The following VPS13B variants were observed in gnomAD, a reference collection of about 807,000 sequenced individuals.
VPS13B encodes intermembrane lipid transfer protein VPS13B.
A neutral mutation model predicts 426.4 loss-of-function variants in VPS13B; 285 were observed. The ratio of observed to expected loss-of-function variants is 0.67; its 90% confidence interval spans 0.61 to 0.74. The LOEUF is 0.74. Ranked by LOEUF, VPS13B falls within the 30% of genes least tolerant of loss-of-function variation. VPS13B has a pLI of 0.00. For missense variants in VPS13B, 4,537 were observed against 4,782.6 expected (o/e 0.95, Z 1.51); for synonymous variants, 1,676 against 1,676.4 (o/e 1.00, Z 0.01).
chr8:99,372,342 C>T (rs1200699674), intron 19 of VPS13B, among the ~76,000 whole-genome samples: 1 of 151,770 alleles, frequency 6.6e-6, no homozygotes, highest in East Asian at 1.9e-4. Flanking sequence ...AACTTCTGCA[C>T]AGCAAAAGAA....
chr8:99,149,462 C>T (rs369444635), intron 14 of VPS13B, among the ~76,000 whole-genome samples: 3 of 152,010 alleles, frequency 2.0e-5, no homozygotes, highest in South Asian at 2.1e-4. Flanking sequence ...GGACTATGGG[C>T]GCATGCCACC....
At chr8:99,296,023 A>T (rs1249734609) in intron 19 of VPS13B, among the ~76,000 whole-genome samples, 2 of 152,138 alleles carry the variant, frequency 1.3e-5, no homozygotes, top group African/African-American at 4.8e-5. Context: ...ATACAGTGAG[A>T]CCCTATCTCA....
chr8:99,627,524 C>G (rs548273752), intron 33 of VPS13B, among the ~76,000 whole-genome samples: 158 of 152,232 alleles, frequency 1.0e-3, no homozygotes, highest in African/African-American at 3.5e-3. Flanking sequence ...GCTGAGATTA[C>G]AGGGGCACAC....
At chr8:99,371,710 A>C (rs1457201205) in intron 19 of VPS13B, among the ~76,000 whole-genome samples, 1 of 151,960 alleles carries the variant, frequency 6.6e-6, no homozygotes, top group Admixed American at 6.6e-5. Context: ...TGAGCATGAA[A>C]TTTTTTTCCA....
At chr8:99,388,147 TTA>T (rs1814231607) in intron 20 of VPS13B, among the ~76,000 whole-genome samples, 2 of 152,266 alleles carry the variant, frequency 1.3e-5, no homozygotes, top group African/African-American at 2.4e-5. Flanking sequence ...ATGAGGGCAC[TTA>T]TATATATTTT....
chr8:99,103,236 TC>T, intron 5 of VPS13B, 116 bp downstream of exon 5: 1 of 1,213,874 alleles, frequency 8.2e-7, no homozygotes, highest in Non-Finnish European at 1.2e-6. Flanking sequence ...TCTTCATGCC[TC>T]CAGTGTGGGA....
At chr8:99,683,176 C>T (rs891855577) in intron 35 of VPS13B, among the ~76,000 whole-genome samples, 1 of 152,022 alleles carries the variant, frequency 6.6e-6, no homozygotes, top group Non-Finnish European at 1.5e-5. Context: ...TTCTTTGGAC[C>T]CTATTTCTGG....
chr8:99,579,187 A>T (rs1460822093), intron 33 of VPS13B, among the ~76,000 whole-genome samples: 1 of 152,204 alleles, frequency 6.6e-6, no homozygotes, highest in Non-Finnish European at 1.5e-5. Flanking sequence ...GGTGGGACAT[A>T]TCTGTAAAAC....
chr8:99,362,139 CT>C lies in VPS13B; in HGVS notation c.2825-22048del, dbSNP rs71273181. Among the ~76,000 whole-genome samples the C allele has an allele frequency of 2.5e-3, 302 of 119,748 alleles. 1 individual carries two copies. Among genetic ancestry groups the C allele is most frequent in the East Asian group, 0.016 (70 of 4,348 alleles). The allele number at this position is 119,748 out of a possible 152,430, so 78.6% of individuals were successfully genotyped here. ...GGGCAGCTATTATATTTTAATTTGTCTTTTTTTTTTTTTTTTTTTTTGAGAC... is the reference window on the plus strand; with the variant it reads ...GGGCAGCTATTATATTTTAATTTGTCTTTTTTTTTTTTTTTTTTTTGAGAC... On this transcript the variant is annotated intron_variant, in intron 19 of 61. Transcript: ENST00000357162.
At chr8:99,230,794 ATTAC>A (rs1235843265) in intron 17 of VPS13B, among the ~76,000 whole-genome samples, 2 of 152,224 alleles carry the variant, frequency 1.3e-5, no homozygotes, top group African/African-American at 2.4e-5. Context: ...TTAATAGATT[ATTAC>A]TTTATTAGGG....
intron 19 of VPS13B, among the ~76,000 whole-genome samples, chr8:99,325,561 C>T (rs1810205562): frequency 6.6e-6 from 1 of 152,180 alleles, no homozygotes; most frequent in Admixed American, 6.5e-5. Flanking sequence ...TTATTCAAAG[C>T]AACCTTAGCA....
At chr8:99,116,795 T>G (rs1378586209) in intron 7 of VPS13B, among the ~76,000 whole-genome samples, 1 of 152,180 alleles carries the variant, frequency 6.6e-6, no homozygotes, top group Non-Finnish European at 1.5e-5. Flanking sequence ...TAAATAATAG[T>G]ATTGGTAATT....
intron 58 of VPS13B, among the ~76,000 whole-genome samples, chr8:99,863,577 T>A (rs920977334): frequency 6.6e-6 from 1 of 152,018 alleles, no homozygotes; most frequent in Non-Finnish European, 1.5e-5. Flanking sequence ...TCCAGTCTCT[T>A]CCCAGTCAGA....
At chr8:99,453,915 G>A (rs1284785199) in intron 23 of VPS13B, among the ~76,000 whole-genome samples, 2 of 152,130 alleles carry the variant, frequency 1.3e-5, no homozygotes, top group Non-Finnish European at 2.9e-5. Flanking sequence ...CACTCTGGGT[G>A]TTTTGCATTC....
At chr8:99,274,395 A>G in intron 18 of VPS13B, 63 bp downstream of exon 18, 1 of 1,611,288 alleles carries the variant, frequency 6.2e-7, no homozygotes, top group Non-Finnish European at 8.5e-7. Flanking sequence ...CTTGCGTTTT[A>G]CAAGGAGCGT....
intron 5 of VPS13B, among the ~76,000 whole-genome samples, chr8:99,105,273 A>C (rs1297658284): frequency 6.6e-6 from 1 of 152,222 alleles, no homozygotes; most frequent in Non-Finnish European, 1.5e-5. Context: ...ATATTTGATT[A>C]AAAGGCTGGA....
chr8:99,718,984 C>T (rs1833029334), intron 37 of VPS13B, among the ~76,000 whole-genome samples: 1 of 152,118 alleles, frequency 6.6e-6, no homozygotes, highest in Non-Finnish European at 1.5e-5. Context: ...TGTATTGCCT[C>T]AAGTTTTCAC....
intron 17 of VPS13B, among the ~76,000 whole-genome samples, chr8:99,245,177 T>TTCC: frequency 6.6e-6 from 1 of 152,240 alleles, no homozygotes; most frequent in Non-Finnish European, 1.5e-5. Context: ...AGTTTGATAA[T>TTCC]ACTGTGTGAT....
At position 99,767,317 on chromosome 8, in the gene VPS13B, C is replaced by T. The variant is rs74977139; in HGVS notation, c.7247+347C>T. On this transcript the variant is annotated intron_variant, in intron 40 of 61. Transcript: ENST00000357162. ...AGTCATACACACACCTCAATAGAAG[C>T]TTAATGACATCATAATCAATATGTG... Among the ~76,000 whole-genome samples the T allele has an allele frequency of 2.6e-5, 4 of 151,786 alleles. No homozygotes were observed. The East Asian group carries it at 7.7e-4, about 29-fold the overall frequency.
Sources: gnomAD v4.1 joint callset for allele counts (sites outside exome capture counted in the v4.1 genomes callset) on GRCh38, gnomAD v4.1.1 for gene constraint, MANE v1.5 for transcripts, NCBI Gene and HGNC (gene_info 2026-07-23, HGNC 2026-07-21) for gene names.